TTBK2: variants seen among roughly 807,000 people sequenced by gnomAD.
TTBK2 encodes tau tubulin kinase 2, also known as tau-tubulin kinase 2.
A neutral mutation model predicts 110.8 loss-of-function variants in TTBK2; 28 were observed. The ratio of observed to expected loss-of-function variants is 0.25; its 90% CI spans 0.19 to 0.35. The LOEUF (loss-of-function observed/expected upper bound fraction) is 0.35. Ranked by LOEUF, TTBK2 falls within the 10% of genes least tolerant of loss-of-function variation. The pLI, the probability that TTBK2 is intolerant of heterozygous loss-of-function variation, is 1.00. For synonymous variants in TTBK2, 532 were observed against 527.3 expected (o/e 1.01, Z -0.12); for missense variants, 1,369 against 1,500.3 (o/e 0.91, Z 1.45).
chr15:42,798,607 G>A (rs1217615906), intron 9 of TTBK2, among the ~76,000 whole-genome samples: 3 of 152,156 alleles, frequency 2.0e-5, no homozygotes, highest in African/African-American at 7.2e-5. Context: ...TGAACACAAA[G>A]AAGTTGGAAG....
chr15:42,852,018 T>C (rs1203491486), intron 3 of TTBK2, among the ~76,000 whole-genome samples: 1 of 151,882 alleles, frequency 6.6e-6, no homozygotes, highest in East Asian at 1.9e-4. Flanking sequence ...TTCTACCATA[T>C]CGTTAGCACT....
chr15:42,871,423 G>A, intron 3 of TTBK2: 1 of 985,032 alleles, frequency 1.0e-6, no homozygotes. Flanking sequence ...TGAAGGGGTG[G>A]CAAAGCTGTA....
Position 42,752,914 on chromosome 15 carries a change from C to T in TTBK2, c.2332G>A (p.Glu778Lys). Residue 778 changes from glutamate to lysine, a missense_variant, in exon 14 of 15, where the codon GAA becomes AAA. Glu to Lys is a moderately conservative substitution (Grantham distance 56). This residue lies in a region of TTBK2 where 1,097 missense variants were observed against 1,114.7 expected (regional missense o/e 0.98). Coordinates refer to ENST00000267890, the MANE Select transcript of TTBK2 (RefSeq NM_173500.4). ...REFENLPGET[E>K]EKSILLESDN... ...GACTCTAAAAGGATGCTTTTCTCTT[C>T]AGTTTCCCCAGGGAGATTTTCAAAT... 1 of 1,614,218 alleles carries T rather than the reference C, an allele frequency of 6.2e-7. No homozygotes were observed. The highest frequency in any genetic ancestry group is 1.1e-5 in the South Asian group (1 of 91,088).
At chr15:42,860,788 C>T (rs1322767813) in intron 3 of TTBK2, among the ~76,000 whole-genome samples, 2 of 151,808 alleles carry the variant, frequency 1.3e-5, no homozygotes, top group Non-Finnish European at 2.9e-5. Context: ...GCCTCAGCCT[C>T]CCAAGTGCAC....
At chr15:42,894,522 C>T (rs1237788692) in intron 1 of TTBK2, among the ~76,000 whole-genome samples, 4 of 152,050 alleles carry the variant, frequency 2.6e-5, no homozygotes, top group African/African-American at 9.7e-5. Context: ...GAGGCGAAGG[C>T]GGGTGGATTT....
At chr15:42,826,524 T>C (rs1029141367) in intron 6 of TTBK2, among the ~76,000 whole-genome samples, 2 of 152,200 alleles carry the variant, frequency 1.3e-5, no homozygotes, top group African/African-American at 4.8e-5. Context: ...GATGTGTAAA[T>C]AGACTGTAAA....
At chr15:42,856,711 AT>A (rs1181101988) in intron 3 of TTBK2, among the ~76,000 whole-genome samples, 2 of 152,136 alleles carry the variant, frequency 1.3e-5, no homozygotes, top group South Asian at 2.1e-4. Flanking sequence ...TTAAAAAAAA[AT>A]TTTTTTTATG....
rs1472849836 is a variant in TTBK2 at position 42,878,701 on chromosome 15, A to C, written c.-67-17T>G. On this transcript the variant is annotated splice_polypyrimidine_tract_variant and intron_variant, in intron 1 of 14. Coordinates refer to ENST00000267890, the MANE Select transcript of TTBK2 (RefSeq NM_173500.4). ...CCATTTAACCTAAAACAACAACAAC[A>C]AAAAATAGTAGCAGTATTTAGGGTT... 1 of 1,609,132 alleles carries C rather than the reference A, an allele frequency of 6.2e-7. No individual in the cohort carries two copies.
At chr15:42,822,557 T>C (rs556379714) in intron 6 of TTBK2, among the ~76,000 whole-genome samples, 1 of 152,104 alleles carries the variant, frequency 6.6e-6, no homozygotes, top group Non-Finnish European at 1.5e-5. Flanking sequence ...CTGTTGGTGT[T>C]AGAGAAACAA....
intron 1 of TTBK2, among the ~76,000 whole-genome samples, chr15:42,897,174 G>A (rs1343299799): frequency 6.6e-6 from 1 of 152,046 alleles, no homozygotes; most frequent in Non-Finnish European, 1.5e-5. Context: ...ACTGCACCTG[G>A]CCACTTTTAG....
At chr15:42,767,891 G>A (rs984487874) in intron 13 of TTBK2, among the ~76,000 whole-genome samples, 16 of 152,194 alleles carry the variant, frequency 1.1e-4, no homozygotes, top group African/African-American at 3.9e-4. Flanking sequence ...GAATCCAGCA[G>A]CACGTCAAAA....
chr15:42,883,053 A>C (rs183223507), intron 1 of TTBK2, among the ~76,000 whole-genome samples: 2 of 152,180 alleles, frequency 1.3e-5, no homozygotes, highest in Admixed American at 1.3e-4. Context: ...GGCTGAAGGG[A>C]TTTCCAATGT....
At chr15:42,817,816 A>G (rs1892103498) in intron 6 of TTBK2, among the ~76,000 whole-genome samples, 1 of 152,206 alleles carries the variant, frequency 6.6e-6, no homozygotes, top group Non-Finnish European at 1.5e-5. Flanking sequence ...AGCTCAAAAC[A>G]GTGCACACGA....
chr15:42,895,484 T>G (rs1004490879), intron 1 of TTBK2, among the ~76,000 whole-genome samples: 1 of 152,078 alleles, frequency 6.6e-6, no homozygotes, highest in African/African-American at 2.4e-5. Flanking sequence ...CATGTACCCC[T>G]TGGACCTAAA....
chr15:42,780,835 G>A lies in TTBK2; in HGVS notation c.1197+2584C>T, dbSNP rs187709995. ...AAAAATTAGCCAAGCGTGGTGGCGG[G>A]TGCCTGTAATTTCAGCTACTTGGGA... On this transcript the variant is annotated intron_variant, in intron 11 of 14. Coordinates refer to ENST00000267890, the MANE Select transcript of TTBK2 (RefSeq NM_173500.4). Among the ~76,000 whole-genome samples the A allele has an allele frequency of 3.9e-3, 593 of 152,148 alleles. 6 individuals carry two copies. Among genetic ancestry groups the A allele is most frequent in the African/African-American group, 0.014 (562 of 41,496 alleles).
intron 1 of TTBK2, among the ~76,000 whole-genome samples, chr15:42,891,309 T>TA (rs1345997477): frequency 1.3e-5 from 2 of 151,548 alleles, no homozygotes; most frequent in Non-Finnish European, 2.9e-5. Flanking sequence ...CCCAAGTAGC[T>TA]AGACTACATG....
intron 1 of TTBK2, among the ~76,000 whole-genome samples, chr15:42,887,680 C>T (rs1156516182): frequency 1.3e-5 from 2 of 152,136 alleles, no homozygotes; most frequent in Non-Finnish European, 2.9e-5. Context: ...CTCTCCTATC[C>T]TAAATACCTC....
chr15:42,827,290 T>A (rs1892574977), intron 6 of TTBK2, among the ~76,000 whole-genome samples: 1 of 151,928 alleles, frequency 6.6e-6, no homozygotes, highest in South Asian at 2.1e-4. Context: ...AAACAAAAAA[T>A]AACAACAAGC....
chr15:42,904,728 A>C (rs982487904), intron 1 of TTBK2, among the ~76,000 whole-genome samples: 97 of 152,294 alleles, frequency 6.4e-4, no homozygotes, highest in African/African-American at 2.3e-3. Context: ...ACTGACAATC[A>C]CCTAGATTAT....
Sources: gnomAD v4.1 joint callset for allele counts (sites outside exome capture counted in the v4.1 genomes callset) on GRCh38, gnomAD v4.1.1 for gene constraint, gnomAD v4.1.1 regional missense constraint, MANE v1.5 for transcripts, NCBI Gene and HGNC (gene_info 2026-07-23, HGNC 2026-07-21) for gene names.